The following AGBL4 variants were observed in gnomAD, a reference collection of about 807,000 sequenced individuals.
The protein encoded by AGBL4 is AGBL carboxypeptidase 4, also known as cytosolic carboxypeptidase 6.
In AGBL4, 58 loss-of-function variants were observed where a neutral mutation model predicts 66.4. That is an observed-to-expected ratio of 0.87 (90% CI 0.71 to 1.09). The LOEUF (loss-of-function observed/expected upper bound fraction) is 1.09, where lower values mean the gene tolerates loss of function less well. AGBL4 is among the 50% of genes least tolerant of loss of function. The probability of loss-of-function intolerance (pLI) is 0.00; values close to 1 mark genes in which losing one functional copy is unlikely to be tolerated. For synonymous variants in AGBL4, 234 were observed against 222.9 expected, an observed-to-expected ratio of 1.05 and a Z score of -0.44; for missense variants, 579 against 631.0, an observed-to-expected ratio of 0.92 and a Z score of 0.88.
chr1:49,850,834 G>C (rs913056510), intron 2 of AGBL4, among the ~76,000 whole-genome samples: 8 of 151,968 alleles, frequency 5.3e-5, no homozygotes, highest in Admixed American at 4.6e-4. Context: ...AGAGCATGAG[G>C]CTCAGAACAT....
intron 4 of AGBL4, among the ~76,000 whole-genome samples, chr1:49,220,660 GC>G (rs995045880): frequency 6.6e-6 from 1 of 152,184 alleles, no homozygotes; most frequent in Admixed American, 6.6e-5. Flanking sequence ...CATGTCTGGT[GC>G]CTTAGGACCC....
intron 6 of AGBL4, among the ~76,000 whole-genome samples, chr1:48,689,203 C>CAAAAAAAAAAAAAAA (rs939955179): frequency 3.2e-4 from 17 of 53,260 alleles, no homozygotes; most frequent in African/African-American, 5.9e-4. Flanking sequence ...GACCCGGTCT[C>CAAAAAAAAAAAAAAA]AAAAAAAAAA....
At chr1:49,575,875 G>A (rs1485414729) in intron 3 of AGBL4, among the ~76,000 whole-genome samples, 1 of 152,166 alleles carries the variant, frequency 6.6e-6, no homozygotes, top group Non-Finnish European at 1.5e-5. Flanking sequence ...AATCTTATTT[G>A]GAGAGACCTT....
rs528975975 is a variant in AGBL4 at position 49,690,910 on chromosome 1, TAGAC to T, written c.282+6399_282+6402del. 4.6e-5 allele frequency among the ~76,000 whole-genome samples: 7 copies of T among 152,278 alleles called. No individual in the cohort carries two copies. In the South Asian group the frequency reaches 1.2e-3, roughly 27 times the overall value. On this transcript the variant is annotated intron_variant, in intron 3 of 13. Transcript: ENST00000371839. ...TAAATATAGAAATTAATAATTTAAA[TAGAC>T]AGTTCAATAACTTTCTCAAGGTCAC...
At chr1:48,948,903 C>T (rs1336231589) in intron 5 of AGBL4, among the ~76,000 whole-genome samples, 1 of 151,866 alleles carries the variant, frequency 6.6e-6, no homozygotes, top group African/African-American at 2.4e-5. Flanking sequence ...GTCTGTTTGA[C>T]GTGATAAAAA....
chr1:49,237,512 TTATATA>T (rs71056690), intron 4 of AGBL4, among the ~76,000 whole-genome samples: 33 of 2,192 alleles, frequency 0.015, no homozygotes, highest in Non-Finnish European at 0.023. Context: ...CAATATTACA[TTATATA>T]TATATATATA....
At chr1:49,836,721 C>A (rs1645859388) in intron 2 of AGBL4, among the ~76,000 whole-genome samples, 1 of 152,120 alleles carries the variant, frequency 6.6e-6, no homozygotes. Context: ...TATTTATATA[C>A]CTTTGGTCTT....
chr1:49,110,913 G>T (rs1025169316), intron 4 of AGBL4, among the ~76,000 whole-genome samples: 2 of 151,930 alleles, frequency 1.3e-5, no homozygotes, highest in South Asian at 4.2e-4. Context: ...AACCTCAAAC[G>T]ATGGAAATTT....
At chr1:49,817,684 A>G (rs1286408930) in intron 2 of AGBL4, among the ~76,000 whole-genome samples, 1 of 151,802 alleles carries the variant, frequency 6.6e-6, no homozygotes, top group Non-Finnish European at 1.5e-5. Context: ...CAGCAATGAC[A>G]GCCAAATTTT....
rs114832179 is a variant in AGBL4, at chr1:49,829,653, C to T, written c.157+21743G>A. Among the ~76,000 whole-genome samples, 1,216 of 152,134 alleles carry T rather than the reference C, an allele frequency of 8.0e-3. 9 individuals are homozygous for T. The highest frequency in any genetic ancestry group is 0.031 in the Middle Eastern group (9 of 294). On this transcript the variant is annotated intron_variant, in intron 2 of 13. Transcript: ENST00000371839. The stretch of plus-strand genomic sequence containing the variant: ...TTATTATAATTTAAGTTCCGGAAAA[C>T]ATGTGCGGAACGGTGCAGGTTTGTT...
At chr1:49,463,309 G>C (rs1646555212) in intron 3 of AGBL4, among the ~76,000 whole-genome samples, 1 of 151,650 alleles carries the variant, frequency 6.6e-6, no homozygotes, top group African/African-American at 2.4e-5. Context: ...GTTTTCCAGA[G>C]ACAGTCCTAG....
At chr1:49,438,337 A>G (rs968462672) in intron 3 of AGBL4, among the ~76,000 whole-genome samples, 50 of 152,192 alleles carry the variant, frequency 3.3e-4, no homozygotes, top group African/African-American at 1.1e-3. Flanking sequence ...AGAAATTACT[A>G]TGGTTTCTTT....
At chr1:49,925,146 A>G (rs1461322192) in intron 1 of AGBL4, among the ~76,000 whole-genome samples, 1 of 152,166 alleles carries the variant, frequency 6.6e-6, no homozygotes, top group Non-Finnish European at 1.5e-5. Context: ...TCACTTGAGA[A>G]AAGGAAAAAC....
intron 1 of AGBL4, among the ~76,000 whole-genome samples, chr1:50,016,459 G>A (rs919324807): frequency 2.6e-5 from 4 of 152,166 alleles, no homozygotes; most frequent in Non-Finnish European, 4.4e-5. Flanking sequence ...CTACTCAGGA[G>A]GCTGAGGCAG....
At chr1:49,318,425 T>C (rs546820122) in intron 3 of AGBL4, among the ~76,000 whole-genome samples, 193 of 148,298 alleles carry the variant, frequency 1.3e-3, no homozygotes, top group African/African-American at 2.4e-3. Flanking sequence ...ATGATGATGA[T>C]GACGGCAATG....
chr1:49,054,699 GA>G (rs932105909), intron 4 of AGBL4, among the ~76,000 whole-genome samples: 3 of 151,766 alleles, frequency 2.0e-5, no homozygotes, highest in Non-Finnish European at 4.4e-5. Context: ...AACTATATGT[GA>G]AAAAAATGTT....
intron 6 of AGBL4, among the ~76,000 whole-genome samples, chr1:48,863,751 C>G (rs768426125): frequency 1.3e-5 from 2 of 151,874 alleles, no homozygotes; most frequent in Non-Finnish European, 2.9e-5. Context: ...GTTATCCATA[C>G]ACACACAAAA....
intron 3 of AGBL4, among the ~76,000 whole-genome samples, chr1:49,644,241 A>G (rs1211008556): frequency 6.6e-6 from 1 of 151,764 alleles, no homozygotes; most frequent in East Asian, 1.9e-4. Flanking sequence ...GATGGAATCA[A>G]CAAAAATGCT....
intron 5 of AGBL4, among the ~76,000 whole-genome samples, chr1:48,985,644 G>A (rs1272914716): frequency 6.6e-6 from 1 of 151,986 alleles, no homozygotes; most frequent in Admixed American, 6.6e-5. Context: ...TTCAAAGAAC[G>A]AAACTGTTTC....
Sources: allele counts gnomAD v4.1 joint callset (sites outside exome capture counted in the v4.1 genomes callset), GRCh38; gene constraint gnomAD v4.1.1; transcripts MANE v1.5; gene names NCBI Gene and HGNC (gene_info 2026-07-23, HGNC 2026-07-21).